HMOX2: variants seen among roughly 807,000 people sequenced by gnomAD.
HMOX2 encodes heme oxygenase 2.
HMOX2 carries 30 observed loss-of-function variants against 33.7 expected under a neutral mutation model. That is an observed-to-expected ratio of 0.89 (90% CI 0.67 to 1.21). The LOEUF (loss-of-function observed/expected upper bound fraction) is 1.21, where lower values mean the gene tolerates loss of function less well. Among genes scored for constraint, HMOX2 ranks in the 50% most tolerant of loss-of-function variants. The pLI is 0.00. For missense variants in HMOX2, 403 were observed against 399.1 expected, an observed-to-expected ratio of 1.01 and a Z score of -0.08; for synonymous variants, 155 against 155.0, an observed-to-expected ratio of 1.00 and a Z score of 0.00.
At chr16:4,497,689 C>A (rs2058456259) in intron 1 of HMOX2, among the ~76,000 whole-genome samples, 1 of 152,148 alleles carries the variant, frequency 6.6e-6, no homozygotes. Context: ...GATGAGCACA[C>A]TTCTCTTCTC....
Position 4,510,011 on chromosome 16 carries a change from C to G in HMOX2, c.*255C>G. 2 of 527,850 alleles carry G rather than the reference C, an allele frequency of 3.8e-6. No individual in the cohort carries two copies. The highest frequency in any genetic ancestry group is 6.8e-6 in the Non-Finnish European group (2 of 294,216). The allele number at this position is 527,850 out of a possible 1,614,324, so 32.7% of individuals were successfully genotyped here. The stretch of plus-strand genomic sequence containing the variant: ...AGCAAGCCTGGCCCCCGACCCAGCT[C>G]TACTCCAGGCTTCCACACTTCTGGG... On this transcript the variant is annotated 3_prime_UTR_variant, in exon 6 of 6. Coordinates refer to ENST00000570646, the MANE Select transcript of HMOX2 (RefSeq NM_002134.4).
chr16:4,487,600 G>A (rs1357447486), intron 1 of HMOX2, among the ~76,000 whole-genome samples: 5 of 151,996 alleles, frequency 3.3e-5, no homozygotes, highest in South Asian at 2.1e-4. Context: ...TCAGGAGATC[G>A]AGACCATCCT....
chr16:4,476,844 A>C (rs1240626122), intron 1 of HMOX2, among the ~76,000 whole-genome samples: 1 of 151,962 alleles, frequency 6.6e-6, no homozygotes, highest in Non-Finnish European at 1.5e-5. Flanking sequence ...GGGCGAGGTG[A>C]CCCCCGGGGT....
chr16:4,491,270 G>A (rs1162885303), intron 1 of HMOX2, among the ~76,000 whole-genome samples: 9 of 152,026 alleles, frequency 5.9e-5, no homozygotes, highest in African/African-American at 1.9e-4. Context: ...GTTACTGGAG[G>A]GCCCTTCACC....
chr16:4,489,251 G>T (rs543787401), intron 1 of HMOX2, among the ~76,000 whole-genome samples: 2 of 152,232 alleles, frequency 1.3e-5, no homozygotes, highest in Non-Finnish European at 2.9e-5. Context: ...AGCATCAAAT[G>T]CTTATTCCCC....
intron 1 of HMOX2, among the ~76,000 whole-genome samples, chr16:4,477,497 T>TAA (rs35695989): frequency 5.8e-4 from 42 of 72,674 alleles, no homozygotes; most frequent in African/African-American, 2.0e-3. Context: ...AGACTCCATC[T>TAA]AAAAAAAAAA....
At chr16:4,491,704 T>C (rs1435761541) in intron 1 of HMOX2, among the ~76,000 whole-genome samples, 1 of 151,954 alleles carries the variant, frequency 6.6e-6, no homozygotes, top group Non-Finnish European at 1.5e-5. Flanking sequence ...TCTTTTCTTT[T>C]TGTTTATTTT....
intron 2 of HMOX2, 116 bp downstream of exon 2, chr16:4,505,726 G>A: frequency 1.4e-6 from 1 of 708,238 alleles, no homozygotes; most frequent in Non-Finnish European, 2.4e-6. Flanking sequence ...ATGAGCTCTG[G>A]ACCCCTGGGT....
intron 1 of HMOX2, among the ~76,000 whole-genome samples, chr16:4,495,357 C>T (rs2058393735): frequency 6.6e-6 from 1 of 152,194 alleles, no homozygotes. Flanking sequence ...AGTCCAATAG[C>T]TGCTGCTGCT....
chr16:4,474,907 C>T (rs2057771946), upstream of HMOX2: 1 of 152,104 alleles, frequency 6.6e-6, no homozygotes. Flanking sequence ...CCCTTGAGGC[C>T]TTGTCCGCTT....
chr16:4,507,135 T>C (rs1377086360), intron 3 of HMOX2, 123 bp downstream of exon 3: 2 of 714,156 alleles, frequency 2.8e-6, no homozygotes, highest in African/African-American at 1.8e-5. Context: ...CACACTCCAT[T>C]CCTTCTTGAC....
chr16:4,484,416 C>T (rs2058111457), intron 1 of HMOX2, among the ~76,000 whole-genome samples: 1 of 151,560 alleles, frequency 6.6e-6, no homozygotes, highest in Non-Finnish European at 1.5e-5. Flanking sequence ...TCCAGGACCC[C>T]TCAAGGGTAC....
At position 4,476,469 on chromosome 16, in the gene HMOX2, C is replaced by A. The variant is rs1403816394; in HGVS notation, c.-60C>A. On this transcript the variant is annotated 5_prime_UTR_variant, in exon 1 of 6. Coordinates refer to ENST00000570646, the MANE Select transcript of HMOX2 (RefSeq NM_002134.4). Reference sequence around the variant, plus strand: ...CGCTGACTGGAGGCTGGCGGACAGGCGACAGCGACCTGCGGCAGGTGAGCT... The same window carrying A: ...CGCTGACTGGAGGCTGGCGGACAGGAGACAGCGACCTGCGGCAGGTGAGCT... 1 of 152,266 alleles carries A rather than the reference C, an allele frequency of 6.6e-6. No individual in the cohort carries two copies. Among genetic ancestry groups the A allele is most frequent in the Non-Finnish European group, 1.5e-5 (1 of 68,070 alleles). 9.4% of individuals were successfully genotyped at this position (152,266 alleles called of 1,614,324 possible).
chr16:4,497,548 C>T (rs552854036), intron 1 of HMOX2, among the ~76,000 whole-genome samples: 1 of 152,306 alleles, frequency 6.6e-6, no homozygotes, highest in Non-Finnish European at 1.5e-5. Context: ...TAGGAAGGCT[C>T]TACCAGGACT....
chr16:4,500,756 T>G (rs1204073730), intron 1 of HMOX2, among the ~76,000 whole-genome samples: 2 of 152,338 alleles, frequency 1.3e-5, no homozygotes, highest in East Asian at 3.9e-4. Context: ...TGGTAGTGCC[T>G]CATGCCAGCA....
intron 1 of HMOX2, among the ~76,000 whole-genome samples, chr16:4,477,882 C>G (rs1028170059): frequency 6.6e-6 from 1 of 151,648 alleles, no homozygotes; most frequent in African/African-American, 2.4e-5. Context: ...GATCGCATCA[C>G]TGCACTCCAG....
intron 1 of HMOX2, among the ~76,000 whole-genome samples, chr16:4,482,263 A>G (rs760635222): frequency 1.7e-4 from 26 of 152,150 alleles, no homozygotes; most frequent in Non-Finnish European, 3.5e-4. Context: ...AAGGGGAAAA[A>G]TATGCTGTTC....
chr16:4,509,397 C>A lies in HMOX2; in HGVS notation c.697-15C>A. On this transcript the variant is annotated splice_polypyrimidine_tract_variant and intron_variant, in intron 4 of 5. Coordinates refer to ENST00000570646, the MANE Select transcript of HMOX2 (RefSeq NM_002134.4). ...GCAGCCCAAAGATGGCTCAGTCGAT[C>A]CTCTGCTCCTGCAGATATTCAATGA... is the stretch of plus-strand genomic sequence containing the variant. 1 of 1,612,564 alleles carries A rather than the reference C, an allele frequency of 6.2e-7. No homozygotes were observed. The highest frequency in any genetic ancestry group is 1.1e-5 in the South Asian group (1 of 90,982).
At chr16:4,483,163 GTGTGT>G (rs2058074841) in intron 1 of HMOX2, among the ~76,000 whole-genome samples, 5 of 246 alleles carry the variant, frequency 0.02, no homozygotes, top group African/African-American at 0.052. Flanking sequence ...AAACCCTGGT[GTGTGT>G]GTGTGTGTGT....
Sources: allele counts gnomAD v4.1 joint callset (sites outside exome capture counted in the v4.1 genomes callset), GRCh38; gene constraint gnomAD v4.1.1; transcripts MANE v1.5; gene names NCBI Gene and HGNC (gene_info 2026-07-23, HGNC 2026-07-21).